SOX6: variants seen among roughly 807,000 people sequenced by gnomAD.
The protein encoded by SOX6 is transcription factor SOX-6.
A neutral mutation model predicts 97.8 loss-of-function variants in SOX6; 11 were observed. The ratio of observed to expected loss-of-function variants is 0.11; its 90% CI spans 0.07 to 0.19. The LOEUF is 0.19. Among genes scored for constraint, SOX6 ranks in the 10% least tolerant of loss-of-function variants. The pLI, the probability that SOX6 is intolerant of heterozygous loss-of-function variation, is 1.00. For synonymous variants in SOX6, 360 were observed against 371.4 expected (o/e 0.97, Z 0.35); for missense variants, 810 against 1,039.5 (o/e 0.78, Z 3.04).
intron 15 of SOX6, among the ~76,000 whole-genome samples, chr11:15,976,624 C>T (rs970591883): frequency 6.6e-6 from 1 of 152,046 alleles, no homozygotes; most frequent in Non-Finnish European, 1.5e-5. Flanking sequence ...AATTGTAAAA[C>T]AATACTCTGG....
intron 1 of SOX6, among the ~76,000 whole-genome samples, chr11:16,405,127 G>A (rs1029168324): frequency 4.0e-5 from 6 of 151,892 alleles, no homozygotes; most frequent in African/African-American, 1.2e-4. Flanking sequence ...GGCAAAGGTC[G>A]CATTATGAGG....
chr11:16,469,975 A>C (rs1860109971), intron 1 of SOX6, among the ~76,000 whole-genome samples: 3 of 152,248 alleles, frequency 2.0e-5, no homozygotes, highest in Admixed American at 1.3e-4. Context: ...TTAAAAGCTT[A>C]AAATGTAATG....
intron 3 of SOX6, among the ~76,000 whole-genome samples, chr11:16,262,580 A>G (rs547163580): frequency 1.6e-4 from 25 of 152,214 alleles, no homozygotes; most frequent in South Asian, 1.4e-3. Flanking sequence ...TACCATACCA[A>G]TAAACTGTCA....
At chr11:16,683,270 T>G (rs1847942717) in intron 3 of SOX6, among the ~76,000 whole-genome samples, 1 of 152,170 alleles carries the variant, frequency 6.6e-6, no homozygotes, top group African/African-American at 2.4e-5. Flanking sequence ...GGAGCCCACA[T>G]AGCCAAGAAA....
intron 4 of SOX6, among the ~76,000 whole-genome samples, chr11:16,492,081 A>C (rs1197928446): frequency 1.3e-5 from 2 of 152,222 alleles, no homozygotes; most frequent in Non-Finnish European, 2.9e-5. Flanking sequence ...CAGGGTAAGA[A>C]AAGATTTTTT....
intron 3 of SOX6, among the ~76,000 whole-genome samples, chr11:16,643,950 G>A (rs1210984396): frequency 6.6e-6 from 1 of 152,220 alleles, no homozygotes. Flanking sequence ...CCAGTGAGAT[G>A]AACCCAGTAC....
chr11:16,050,105 C>A (rs1178541391), intron 10 of SOX6, among the ~76,000 whole-genome samples, 167 bp from the exon 11 acceptor site: 3 of 152,078 alleles, frequency 2.0e-5, no homozygotes, highest in African/African-American at 7.2e-5. Context: ...CGGAAGGAAA[C>A]CTCATTAATA....
At chr11:16,146,333 C>A (rs565218928) in intron 6 of SOX6, among the ~76,000 whole-genome samples, 458 of 152,228 alleles carry the variant, frequency 3.0e-3, no homozygotes, top group Middle Eastern at 6.8e-3. Flanking sequence ...CTTCCTTACA[C>A]CTTATACAAA....
chr11:16,461,459 CGAT>C, intron 1 of SOX6, among the ~76,000 whole-genome samples: 1 of 152,186 alleles, frequency 6.6e-6, no homozygotes, highest in Non-Finnish European at 1.5e-5. Context: ...TTATGGATCA[CGAT>C]GATATGATCA....
At chr11:16,608,347 G>A (rs893972189) in intron 4 of SOX6, among the ~76,000 whole-genome samples, 2 of 152,158 alleles carry the variant, frequency 1.3e-5, no homozygotes, top group Admixed American at 1.3e-4. Flanking sequence ...AGTACTAAGA[G>A]ATAGAACTGG....
At chr11:16,644,709 A>C (rs746151516) in intron 3 of SOX6, among the ~76,000 whole-genome samples, 7 of 152,148 alleles carry the variant, frequency 4.6e-5, no homozygotes, top group Non-Finnish European at 1.0e-4. Flanking sequence ...AACTCCACAG[A>C]TACTTGAAAA....
rs117878722 is a variant in SOX6 at position 16,503,726 on chromosome 11, C to A, written n.610-27338G>T. ...TGTCATTATATAATGATAAAGGGAA[C>A]AACTCAGCAAGAGGATGTAAGAATT... On this transcript the variant is annotated intron_variant and non_coding_transcript_variant, in intron 4 of 5. Coordinates refer to the SOX6 transcript ENST00000524520. Among the ~76,000 whole-genome samples the A allele has an allele frequency of 2.4e-4, 37 of 152,172 alleles. No individual in the cohort carries two copies. In the East Asian group the frequency reaches 6.4e-3, roughly 26 times the overall value.
intron 2 of SOX6, among the ~76,000 whole-genome samples, chr11:16,338,012 C>T (rs1284614452): frequency 6.6e-6 from 1 of 151,966 alleles, no homozygotes; most frequent in African/African-American, 2.4e-5. Flanking sequence ...GTGGTCATGA[C>T]ATTTCAAAGT....
At chr11:16,596,746 C>A (rs574642410) in intron 4 of SOX6, among the ~76,000 whole-genome samples, 2 of 152,272 alleles carry the variant, frequency 1.3e-5, no homozygotes, top group South Asian at 2.1e-4. Flanking sequence ...ATCAAGGATT[C>A]TTTTATTAAT....
At chr11:16,621,411 AT>A (rs1848543866) in intron 3 of SOX6, among the ~76,000 whole-genome samples, 1 of 152,202 alleles carries the variant, frequency 6.6e-6, no homozygotes, top group Non-Finnish European at 1.5e-5. Context: ...ATTCCAAGTC[AT>A]TCCAACAATT....
intron 3 of SOX6, among the ~76,000 whole-genome samples, chr11:16,252,904 A>ATC (rs1338297522): frequency 6.6e-6 from 1 of 152,202 alleles, no homozygotes; most frequent in Admixed American, 6.5e-5. Context: ...CTGAGATGTA[A>ATC]TCATAGGACT....
At chr11:15,987,339 T>A (rs1280809294) in intron 14 of SOX6, among the ~76,000 whole-genome samples, 1 of 152,186 alleles carries the variant, frequency 6.6e-6, no homozygotes, top group Non-Finnish European at 1.5e-5. Context: ...AGCACATGCA[T>A]CCCTGCTCTT....
intron 13 of SOX6, among the ~76,000 whole-genome samples, chr11:16,003,528 C>T (rs1451995387): frequency 6.6e-6 from 1 of 152,062 alleles, no homozygotes; most frequent in East Asian, 1.9e-4. Context: ...TACCCCAAAA[C>T]AGTGGTGACT....
At chr11:16,707,125 C>T (rs1848143783) in intron 3 of SOX6, among the ~76,000 whole-genome samples, 1 of 152,044 alleles carries the variant, frequency 6.6e-6, no homozygotes, top group Non-Finnish European at 1.5e-5. Flanking sequence ...AAAATAAATG[C>T]CAAATAAAAT....
Sources: gnomAD v4.1 joint callset for allele counts (sites outside exome capture counted in the v4.1 genomes callset) on GRCh38, gnomAD v4.1.1 for gene constraint, MANE v1.5 for transcripts, NCBI Gene and HGNC (gene_info 2026-07-23, HGNC 2026-07-21) for gene names.